TTC39C: variants seen among roughly 807,000 people sequenced by gnomAD.
TTC39C encodes tetratricopeptide repeat protein 39C.
Under a neutral mutation model 76.3 loss-of-function variants are expected in TTC39C, and 33 were observed. The observed-to-expected ratio is 0.43, with a 90% CI of 0.33 to 0.58. The LOEUF (loss-of-function observed/expected upper bound fraction) is 0.58, where lower values mean the gene tolerates loss of function less well. TTC39C is among the 20% of genes least tolerant of loss of function. The probability of loss-of-function intolerance (pLI) is 0.04; values close to 1 mark genes in which losing one functional copy is unlikely to be tolerated. For missense variants in TTC39C, 595 were observed against 701.4 expected, an observed-to-expected ratio of 0.85 and a Z score of 1.71; for synonymous variants, 254 against 260.6, an observed-to-expected ratio of 0.97 and a Z score of 0.24.
intron 1 of TTC39C, among the ~76,000 whole-genome samples, chr18:24,031,867 C>T (rs1413780284): frequency 3.9e-5 from 6 of 152,080 alleles, no homozygotes; most frequent in African/African-American, 1.4e-4. Context: ...TAAAAGGTGC[C>T]TTGCAGATGT....
At chr18:24,104,221 C>G (rs562768475) in intron 6 of TTC39C, among the ~76,000 whole-genome samples, 2 of 152,136 alleles carry the variant, frequency 1.3e-5, no homozygotes, top group South Asian at 4.1e-4. Flanking sequence ...CATGAGCTAC[C>G]GCACCTAGCC....
intron 6 of TTC39C, among the ~76,000 whole-genome samples, chr18:24,110,103 C>G (rs1269952318): frequency 6.6e-6 from 1 of 152,124 alleles, no homozygotes; most frequent in African/African-American, 2.4e-5. Context: ...AGGACTTATT[C>G]CAAAAAGGCA....
chr18:24,023,977 TATACATATATATATATATATATATATATA>T (rs2083557408), intron 1 of TTC39C, among the ~76,000 whole-genome samples: 2 of 14,008 alleles, frequency 1.4e-4, no homozygotes, highest in African/African-American at 3.3e-4. Context: ...TATATATATA[TATACATATATATATATATATATATATATA>T]TATATATATA....
chr18:24,012,032 C>G (rs142222238), upstream of TTC39C, among the ~76,000 whole-genome samples: 1 of 152,150 alleles, frequency 6.6e-6, no homozygotes, highest in Admixed American at 6.5e-5. Flanking sequence ...GCCTTTATAA[C>G]CTGACATTTT....
Position 24,132,604 on chromosome 18 carries a change from C to T in TTC39C, c.*30C>T. On this transcript the variant is annotated 3_prime_UTR_variant, in exon 14 of 14. Transcript: ENST00000317571. Reference sequence around the variant, plus strand: ...CCCGGAACACCCGCTCCGTCCCTCCCCACCCAGGGTCCGCACTTTAAAATA... The same window carrying T: ...CCCGGAACACCCGCTCCGTCCCTCCTCACCCAGGGTCCGCACTTTAAAATA... 6.3e-7 allele frequency: 1 copy of T among 1,585,396 alleles called. No individual in the cohort carries two copies. Among genetic ancestry groups the T allele is most frequent in the Non-Finnish European group, 8.6e-7 (1 of 1,157,754 alleles).
At chr18:24,073,376 A>G (rs1364924511) in intron 4 of TTC39C, among the ~76,000 whole-genome samples, 2 of 151,406 alleles carry the variant, frequency 1.3e-5, no homozygotes, top group African/African-American at 4.9e-5. Flanking sequence ...AGATTCTCAC[A>G]CTCCCTGAAT....
intron 1 of TTC39C, among the ~76,000 whole-genome samples, chr18:24,001,823 G>GTT (rs750295981): frequency 0.024 from 1,369 of 57,392 alleles, 94 homozygotes; most frequent in South Asian, 0.063. Flanking sequence ...CGGTAATTCT[G>GTT]TTTTTTTTTT....
chr18:24,016,813 G>A (rs138328018), intron 1 of TTC39C: 19 of 398,364 alleles, frequency 4.8e-5, no homozygotes, highest in Middle Eastern at 6.3e-4. Flanking sequence ...ATTTTGAAAT[G>A]GGAACTGAAG....
intron 8 of TTC39C, among the ~76,000 whole-genome samples, chr18:24,122,500 CAAAAAAAA>C (rs36002596): frequency 2.0e-5 from 1 of 51,052 alleles, no homozygotes; most frequent in Non-Finnish European, 3.1e-5. Context: ...GACTCCATCT[CAAAAAAAA>C]AAAAAAAAAA....
intron 1 of TTC39C, among the ~76,000 whole-genome samples, chr18:24,027,770 G>A (rs2083616867): frequency 6.6e-6 from 1 of 151,946 alleles, no homozygotes; most frequent in Non-Finnish European, 1.5e-5. Context: ...GTCTTGCTGT[G>A]TTGGCCAGGC....
chr18:24,109,320 C>A (rs1408466612), intron 6 of TTC39C, among the ~76,000 whole-genome samples: 1 of 151,674 alleles, frequency 6.6e-6, no homozygotes, highest in Non-Finnish European at 1.5e-5. Flanking sequence ...CAGAGCAAGA[C>A]CCTGTTTCAA....
rs182101236 is a variant in TTC39C, at chr18:24,064,340, A to G, written c.216+152A>G. ...AGTTTTTGCCTATTACCCAATGCCTATGAAATAATCTGCCTTCCCTAATTT... is the reference window on the plus strand; with the variant it reads ...AGTTTTTGCCTATTACCCAATGCCTGTGAAATAATCTGCCTTCCCTAATTT... On this transcript the variant is annotated intron_variant, in intron 2 of 13. Coordinates refer to ENST00000317571, the MANE Select transcript of TTC39C (RefSeq NM_001135993.2). The G allele has an allele frequency of 4.9e-5, 36 of 731,058 alleles. No individual in the cohort carries two copies. The East Asian group carries it at 1.0e-3, about 21-fold the overall frequency. 45.3% of individuals were successfully genotyped at this position (731,058 alleles called of 1,614,324 possible).
chr18:24,023,567 G>A (rs1255049679), intron 1 of TTC39C, among the ~76,000 whole-genome samples: 6 of 152,158 alleles, frequency 3.9e-5, no homozygotes, highest in Non-Finnish European at 7.3e-5. Flanking sequence ...CAACTGGTGG[G>A]ACTTGTGCTT....
chr18:24,017,862 C>T (rs1029126103), intron 1 of TTC39C, among the ~76,000 whole-genome samples: 1 of 152,114 alleles, frequency 6.6e-6, no homozygotes, highest in African/African-American at 2.4e-5. Flanking sequence ...ACAGTAGAAA[C>T]GTATTTTGTA....
At chr18:24,024,792 G>T (rs1326645245) in intron 1 of TTC39C, among the ~76,000 whole-genome samples, 1 of 152,176 alleles carries the variant, frequency 6.6e-6, no homozygotes, top group Non-Finnish European at 1.5e-5. Context: ...TAGTTGAGTG[G>T]CAACCGACTC....
chr18:24,081,032 ATGTT>A, intron 5 of TTC39C, 93 bp downstream of exon 5: 1 of 1,211,170 alleles, frequency 8.3e-7, no homozygotes, highest in Non-Finnish European at 1.1e-6. Flanking sequence ...TTCAGGTAAA[ATGTT>A]TGGTTGGTTG....
intron 1 of TTC39C, among the ~76,000 whole-genome samples, chr18:23,994,821 G>A (rs2083248362): frequency 6.6e-6 from 1 of 152,106 alleles, no homozygotes; most frequent in African/African-American, 2.4e-5. Context: ...AGGGCCACGC[G>A]CTGATGCGTG....
intron 4 of TTC39C, among the ~76,000 whole-genome samples, chr18:24,073,283 C>T (rs1377801571): frequency 6.6e-6 from 1 of 152,178 alleles, no homozygotes. Flanking sequence ...AAGGGAAGGT[C>T]TGAATTCCTT....
intron 1 of TTC39C, among the ~76,000 whole-genome samples, chr18:24,001,982 C>G (rs992599569): frequency 6.6e-6 from 1 of 152,022 alleles, no homozygotes; most frequent in East Asian, 1.9e-4. Context: ...CCCGCCACCA[C>G]GCCCGGCTAA....
Sources: gnomAD v4.1 joint callset for allele counts (sites outside exome capture counted in the v4.1 genomes callset) on GRCh38, gnomAD v4.1.1 for gene constraint, MANE v1.5 for transcripts, NCBI Gene and HGNC (gene_info 2026-07-23, HGNC 2026-07-21) for gene names.